The following MKLN1 variants were observed in gnomAD, a reference collection of about 807,000 sequenced individuals.
The protein encoded by MKLN1 is muskelin 1.
MKLN1 carries 18 observed loss-of-function variants against 99.0 expected under a neutral mutation model. The observed-to-expected ratio is 0.18, with a 90% CI of 0.13 to 0.27. The LOEUF (loss-of-function observed/expected upper bound fraction) is 0.27. Among genes scored for constraint, MKLN1 ranks in the 10% least tolerant of loss-of-function variants. The pLI is 1.00. For synonymous variants in MKLN1, 288 were observed against 293.2 expected, an observed-to-expected ratio of 0.98 and a Z score of 0.18; for missense variants, 621 against 875.9, an observed-to-expected ratio of 0.71 and a Z score of 3.67.
chr7:131,255,644 T>C (rs961900262), intron 3 of MKLN1, among the ~76,000 whole-genome samples: 1 of 152,122 alleles, frequency 6.6e-6, no homozygotes, highest in Non-Finnish European at 1.5e-5. Context: ...AGTGATGTGA[T>C]CTCAGCTCAC....
chr7:131,419,706 GT>G (rs961256263), intron 8 of MKLN1, among the ~76,000 whole-genome samples: 12 of 151,846 alleles, frequency 7.9e-5, no homozygotes, highest in Non-Finnish European at 1.5e-4. Context: ...ACTACTCTTG[GT>G]TTTTTTTCCA....
chr7:131,327,044 C>T (rs1798906005), upstream of MKLN1: 1 of 152,242 alleles, frequency 6.6e-6, no homozygotes, highest in African/African-American at 2.4e-5. Context: ...TTGTAAGAAG[C>T]TGGTATGATG....
At chr7:131,413,756 C>T (rs971462842) in intron 7 of MKLN1, among the ~76,000 whole-genome samples, 8 of 152,250 alleles carry the variant, frequency 5.3e-5, no homozygotes, top group African/African-American at 1.7e-4. Flanking sequence ...CTAGGCTGGT[C>T]GTGGACTCCT....
intron 1 of MKLN1, among the ~76,000 whole-genome samples, chr7:131,141,830 CCCTGTCCTGT>C (rs1174397867): frequency 2.0e-5 from 3 of 152,148 alleles, no homozygotes; most frequent in African/African-American, 7.2e-5. Context: ...TTCTACCGTG[CCCTGTCCTGT>C]GAGGTTCCTG....
At chr7:131,466,114 T>C (rs917660043) in intron 14 of MKLN1, among the ~76,000 whole-genome samples, 162 bp from the exon 15 acceptor site, 14 of 152,148 alleles carry the variant, frequency 9.2e-5, no homozygotes, top group Admixed American at 7.2e-4. Flanking sequence ...TAAAGCAAAA[T>C]AGAAATGAGA....
chr7:131,319,635 G>C (rs1238933014), intron 3 of MKLN1, among the ~76,000 whole-genome samples: 2 of 152,152 alleles, frequency 1.3e-5, no homozygotes, highest in Non-Finnish European at 2.9e-5. Context: ...TATTCAAATA[G>C]AAAGAGAGGA....
At chr7:131,117,906 T>G (rs775517833) in intron 1 of MKLN1, among the ~76,000 whole-genome samples, 12 of 152,180 alleles carry the variant, frequency 7.9e-5, no homozygotes, top group Non-Finnish European at 1.3e-4. Flanking sequence ...GGTACATGAA[T>G]AGAGGTGTCA....
chr7:131,282,955 G>T (rs1198929291), intron 3 of MKLN1, among the ~76,000 whole-genome samples: 1 of 152,162 alleles, frequency 6.6e-6, no homozygotes, highest in East Asian at 1.9e-4. Context: ...TCATTCCACT[G>T]CAGCTCTGAC....
chr7:131,345,905 T>C (rs1799546045), intron 1 of MKLN1, among the ~76,000 whole-genome samples: 1 of 152,188 alleles, frequency 6.6e-6, no homozygotes, highest in Non-Finnish European at 1.5e-5. Context: ...TGGTCAATAA[T>C]ATACTTATGA....
chr7:131,459,714 A>G (rs1476616930), intron 12 of MKLN1, among the ~76,000 whole-genome samples: 1 of 151,898 alleles, frequency 6.6e-6, no homozygotes, highest in Admixed American at 6.6e-5. Flanking sequence ...GGAGATGTAC[A>G]TCTATATATC....
rs191897100 is a variant in MKLN1, at chr7:131,122,041, A to G, written c.-419+11834A>G. 4.2e-3 allele frequency among the ~76,000 whole-genome samples: 642 copies of G among 152,350 alleles called. 3 individuals carry two copies. Among genetic ancestry groups the G allele is most frequent in the South Asian group, 0.018 (87 of 4,826 alleles). On this transcript the variant is annotated intron_variant, in intron 1 of 7. Transcript: ENST00000416992. ...AAACACTGCCAAAAGGTCAAGAAAG[A>G]TTATTTTAATTTGTTTCTCTCGTAA...
intron 2 of MKLN1, among the ~76,000 whole-genome samples, chr7:131,156,446 TC>T (rs1795965776): frequency 3.8e-5 from 1 of 26,574 alleles, no homozygotes; most frequent in South Asian, 8.2e-4. Flanking sequence ...AGACTCTGTC[TC>T]AAAAAAAAAA....
intron 2 of MKLN1, among the ~76,000 whole-genome samples, chr7:131,163,082 A>G (rs1433787736): frequency 2.0e-5 from 3 of 152,198 alleles, no homozygotes; most frequent in Non-Finnish European, 2.9e-5. Context: ...ACCTATGATC[A>G]TACAGCTGTG....
intron 3 of MKLN1, among the ~76,000 whole-genome samples, chr7:131,215,406 C>T (rs1461066204): frequency 1.3e-5 from 2 of 152,150 alleles, no homozygotes; most frequent in Non-Finnish European, 2.9e-5. Context: ...TATGCAATGG[C>T]ACCACAATAA....
At chr7:131,275,561 ATATATATTTTTT>A (rs1797955933) in intron 3 of MKLN1, among the ~76,000 whole-genome samples, 2 of 12,510 alleles carry the variant, frequency 1.6e-4, no homozygotes, top group African/African-American at 9.4e-4. Context: ...ATATATATAT[ATATATATTTTTT>A]TTTTTTTTTT....
chr7:131,259,941 A>G (rs886693211), intron 3 of MKLN1, among the ~76,000 whole-genome samples: 1 of 152,188 alleles, frequency 6.6e-6, no homozygotes, highest in East Asian at 1.9e-4. Context: ...ATAATTCTAT[A>G]TCTATAAAAC....
At chr7:131,328,232 G>A (rs924333817) in intron 1 of MKLN1, 2 of 529,392 alleles carry the variant, frequency 3.8e-6, no homozygotes, top group Non-Finnish European at 6.7e-6. Flanking sequence ...TGGCGGATCC[G>A]GGGCGCGCAC....
chr7:131,210,119 G>T (rs959971954), intron 3 of MKLN1, among the ~76,000 whole-genome samples: 1 of 152,138 alleles, frequency 6.6e-6, no homozygotes, highest in African/African-American at 2.4e-5. Context: ...TAACCATGTT[G>T]GTTTGAGATG....
At chr7:131,160,140 A>G (rs1374258883) in intron 2 of MKLN1, among the ~76,000 whole-genome samples, 2 of 152,172 alleles carry the variant, frequency 1.3e-5, no homozygotes, top group Non-Finnish European at 2.9e-5. Context: ...GGATTTGCCT[A>G]ATGTAAATAT....
Sources: gnomAD v4.1 joint callset for allele counts (sites outside exome capture counted in the v4.1 genomes callset) on GRCh38, gnomAD v4.1.1 for gene constraint, MANE v1.5 for transcripts, NCBI Gene and HGNC (gene_info 2026-07-23, HGNC 2026-07-21) for gene names.